The following DAB1 variants were observed in gnomAD, a reference collection of about 807,000 sequenced individuals.
DAB1 encodes DAB adaptor protein 1.
In DAB1, 15 loss-of-function variants were observed where a neutral mutation model predicts 64.6. The observed-to-expected ratio is 0.23, with a 90% CI of 0.16 to 0.36. The LOEUF (loss-of-function observed/expected upper bound fraction) is 0.36. Ranked by LOEUF, DAB1 falls within the 10% of genes least tolerant of loss-of-function variation. The probability of loss-of-function intolerance (pLI) is 1.00; values close to 1 mark genes in which losing one functional copy is unlikely to be tolerated. For missense variants in DAB1, 596 were observed against 706.7 expected (o/e 0.84, Z 1.78); for synonymous variants, 235 against 251.9 (o/e 0.93, Z 0.64).
rs115790814 is a variant in DAB1 at position 58,220,282 on chromosome 1, A to G, written n.310-69694T>C. On this transcript the variant is annotated intron_variant and non_coding_transcript_variant, in intron 4 of 20. Coordinates refer to the DAB1 transcript ENST00000485760. ...ATATTAGAATCAACTGAAGATTTAAAAAAATAACTAACTGATGGCCCAAGA... is the reference window on the plus strand; with the variant it reads ...ATATTAGAATCAACTGAAGATTTAAGAAAATAACTAACTGATGGCCCAAGA... 8.2e-3 allele frequency among the ~76,000 whole-genome samples: 1,246 copies of G among 152,328 alleles called. 12 individuals are homozygous for G. The highest frequency in any genetic ancestry group is 0.029 in the African/African-American group (1,188 of 41,552).
intron 5 of DAB1, among the ~76,000 whole-genome samples, chr1:57,071,995 T>C (rs1651510843): frequency 6.6e-6 from 1 of 151,838 alleles, no homozygotes; most frequent in Non-Finnish European, 1.5e-5. Flanking sequence ...GAAACTTATT[T>C]GTATACGGTG....
intron 4 of DAB1, among the ~76,000 whole-genome samples, chr1:58,315,970 A>C (rs1457747697): frequency 3.9e-5 from 6 of 152,196 alleles, no homozygotes. Context: ...AGTCAAAAGC[A>C]CTAAATCGTC....
intron 4 of DAB1, among the ~76,000 whole-genome samples, chr1:58,299,565 T>C (rs1662072856): frequency 6.6e-6 from 1 of 151,996 alleles, no homozygotes; most frequent in Non-Finnish European, 1.5e-5. Flanking sequence ...ATATATGGGG[T>C]GATTCCTCAA....
intron 5 of DAB1, among the ~76,000 whole-genome samples, chr1:57,948,619 A>G (rs993744426): frequency 3.3e-5 from 5 of 152,168 alleles, no homozygotes; most frequent in African/African-American, 1.2e-4. Flanking sequence ...CAGTTAATGT[A>G]CATCTTGGCC....
chr1:57,887,095 C>T (rs1206143191), upstream of DAB1, among the ~76,000 whole-genome samples: 1 of 152,202 alleles, frequency 6.6e-6, no homozygotes, highest in Non-Finnish European at 1.5e-5. Context: ...CATTCTACTG[C>T]CAAATTGAAG....
intron 2 of DAB1, among the ~76,000 whole-genome samples, chr1:57,165,332 C>G (rs1342720548): frequency 2.0e-5 from 3 of 152,102 alleles, no homozygotes; most frequent in Non-Finnish European, 4.4e-5. Flanking sequence ...TTCCAAAGAG[C>G]TCAATATGGT....
intron 1 of DAB1, among the ~76,000 whole-genome samples, chr1:57,405,304 G>A (rs1389604109): frequency 6.6e-6 from 1 of 152,168 alleles, no homozygotes; most frequent in Non-Finnish European, 1.5e-5. Flanking sequence ...TGGGATTGAG[G>A]AAACACACAG....
In DAB1 at chr1:58,314,551, C is replaced by T. The variant is rs75959617; in HGVS notation, n.309+28801G>A. On this transcript the variant is annotated intron_variant and non_coding_transcript_variant, in intron 4 of 20. Transcript: ENST00000485760. ...ATTGAGTCGTATTTACTCACTCTCC[C>T]AGCAAGTGACGCCCCCATTGCCTCA... Among the ~76,000 whole-genome samples the T allele has an allele frequency of 5.1e-3, 773 of 152,284 alleles. 14 individuals are homozygous for T. The East Asian group carries it at 0.057, about 11-fold the overall frequency.
intron 2 of DAB1, among the ~76,000 whole-genome samples, chr1:57,171,542 T>G (rs1174824617): frequency 6.6e-6 from 1 of 152,210 alleles, no homozygotes; most frequent in Non-Finnish European, 1.5e-5. Flanking sequence ...GGCGACATGT[T>G]TATATCTGCT....
chr1:57,105,363 T>G (rs1469486437), intron 4 of DAB1, among the ~76,000 whole-genome samples: 1 of 152,022 alleles, frequency 6.6e-6, no homozygotes, highest in East Asian at 1.9e-4. Flanking sequence ...AAAAAGCCCT[T>G]TCAAGCGCTT....
intron 2 of DAB1, among the ~76,000 whole-genome samples, chr1:57,163,142 G>A (rs1185629700): frequency 6.6e-6 from 1 of 152,216 alleles, no homozygotes; most frequent in East Asian, 1.9e-4. Context: ...GGAAGCTCCC[G>A]CTCTCCTAGA....
At chr1:57,532,217 G>T (rs981842849) in intron 7 of DAB1, among the ~76,000 whole-genome samples, 2 of 149,330 alleles carry the variant, frequency 1.3e-5, no homozygotes, top group African/African-American at 2.5e-5. Context: ...GGACAGGGTT[G>T]GGGGAGGAGT....
intron 3 of DAB1, among the ~76,000 whole-genome samples, chr1:58,373,616 A>G (rs2100538395): frequency 6.6e-6 from 1 of 152,200 alleles, no homozygotes; most frequent in Non-Finnish European, 1.5e-5. Flanking sequence ...TATTGTGAAT[A>G]ATGCCGCAAT....
At chr1:57,745,235 T>A (rs1648209212) in intron 6 of DAB1, among the ~76,000 whole-genome samples, 1 of 152,180 alleles carries the variant, frequency 6.6e-6, no homozygotes, top group African/African-American at 2.4e-5. Flanking sequence ...GCGTTGGTGC[T>A]CTACTTCCCG....
At chr1:57,229,487 G>A (rs1476336174) in intron 2 of DAB1, among the ~76,000 whole-genome samples, 3 of 151,564 alleles carry the variant, frequency 2.0e-5, no homozygotes, top group Non-Finnish European at 2.9e-5. Context: ...GAGCCACTGC[G>A]CCCGGCCTAT....
intron 3 of DAB1, among the ~76,000 whole-genome samples, chr1:57,143,507 A>C (rs573832763): frequency 7.9e-5 from 12 of 152,314 alleles, no homozygotes; most frequent in African/African-American, 2.9e-4. Flanking sequence ...GATGTCTTTT[A>C]TGCCTTTTTC....
chr1:58,381,983 G>GTGAGACTGAATGACACCATC (rs1553178846), intron 3 of DAB1, among the ~76,000 whole-genome samples: 17 of 152,082 alleles, frequency 1.1e-4, no homozygotes, highest in Non-Finnish European at 2.2e-4. Flanking sequence ...CATGAAAGAA[G>GTGAGACTGAATGACACCATC]AAACAGTAGA....
intron 4 of DAB1, among the ~76,000 whole-genome samples, chr1:57,086,512 C>T (rs1367882179): frequency 6.6e-6 from 1 of 152,112 alleles, no homozygotes; most frequent in Non-Finnish European, 1.5e-5. Flanking sequence ...GACAGTTTGG[C>T]AAAGTGTTTG....
At chr1:57,694,923 G>A (rs915948077) in intron 6 of DAB1, among the ~76,000 whole-genome samples, 1 of 151,118 alleles carries the variant, frequency 6.6e-6, no homozygotes, top group African/African-American at 2.4e-5. Flanking sequence ...TTTAAACTTG[G>A]GCATAAACTG....
Sources: gnomAD v4.1 joint callset for allele counts (sites outside exome capture counted in the v4.1 genomes callset) on GRCh38, gnomAD v4.1.1 for gene constraint, MANE v1.5 for transcripts, NCBI Gene and HGNC (gene_info 2026-07-23, HGNC 2026-07-21) for gene names.